The following MTHFD1L variants were observed in gnomAD, a reference collection of about 807,000 sequenced individuals.
MTHFD1L encodes monofunctional C1-tetrahydrofolate synthase, mitochondrial.
MTHFD1L carries 81 observed loss-of-function variants against 119.5 expected under a neutral mutation model. The ratio of observed to expected loss-of-function variants is 0.68; its 90% confidence interval spans 0.57 to 0.82. MTHFD1L has a LOEUF of 0.82. MTHFD1L is among the 40% of genes least tolerant of loss of function. The pLI, the probability that MTHFD1L is intolerant of heterozygous loss-of-function variation, is 0.00. For missense variants in MTHFD1L, 1,125 were observed against 1,253.4 expected, an observed-to-expected ratio of 0.90 and a Z score of 1.55; for synonymous variants, 430 against 475.2, an observed-to-expected ratio of 0.90 and a Z score of 1.24.
intron 19 of MTHFD1L, among the ~76,000 whole-genome samples, chr6:150,969,649 C>G (rs926979902): frequency 3.3e-5 from 5 of 152,092 alleles, no homozygotes; most frequent in Non-Finnish European, 5.9e-5. Context: ...GGTACATAGA[C>G]AAGTTTCTTG....
At position 150,949,014 on chromosome 6, in the gene MTHFD1L, T is replaced by A. The variant is rs2128969930; in HGVS notation, c.1624-17T>A. 2 of 1,599,866 alleles carry A rather than the reference T, an allele frequency of 1.3e-6. No homozygotes were observed. Among genetic ancestry groups the A allele is most frequent in the Non-Finnish European group, 1.7e-6 (2 of 1,167,826 alleles). On this transcript the variant is annotated splice_polypyrimidine_tract_variant and intron_variant, in intron 15 of 27. Transcript: ENST00000367321. ...TTTCTTCTCAAACTTCTCACCTTTT[T>A]TCTTCTTAATCATTAGAAACTGGGA... is the stretch of plus-strand genomic sequence containing the variant.
At chr6:150,900,216 C>T (rs1049861903) in intron 7 of MTHFD1L, among the ~76,000 whole-genome samples, 3 of 151,856 alleles carry the variant, frequency 2.0e-5, no homozygotes, top group African/African-American at 7.3e-5. Context: ...CCGGTAGTTC[C>T]TAATTGCCAA....
At chr6:151,019,704 G>A (rs896062894) in intron 24 of MTHFD1L, among the ~76,000 whole-genome samples, 1 of 152,130 alleles carries the variant, frequency 6.6e-6, no homozygotes, top group African/African-American at 2.4e-5. Context: ...CATGAAAAGA[G>A]CTGCTGCTGC....
intron 20 of MTHFD1L, among the ~76,000 whole-genome samples, chr6:150,994,079 A>G (rs76747399): frequency 7.4e-6 from 1 of 134,852 alleles, no homozygotes; most frequent in African/African-American, 3.2e-5. Flanking sequence ...AAAAAAAAAA[A>G]AGAAAGAAAG....
chr6:150,876,030 T>A (rs2128741125), intron 1 of MTHFD1L, 60 bp from the exon 2 acceptor site: 1 of 1,283,306 alleles, frequency 7.8e-7, no homozygotes. Context: ...AAATGTGTTG[T>A]GTCAGTCCTT....
Position 150,887,921 on chromosome 6 carries a change from C to G in MTHFD1L, c.720C>G (p.Phe240Leu). 6.2e-7 allele frequency: 1 copy of G among 1,610,562 alleles called. No homozygotes were observed. Reference sequence around the variant, plus strand: ...TGGAAGCTGCTCTACAATGCCTGTTCCAGAGAAAAGGGTCCATGACAATGA... The same window carrying G: ...TGGAAGCTGCTCTACAATGCCTGTTGCAGAGAAAAGGGTCCATGACAATGA... ...GSLEAALQCL[F>L]QRKGSMTMSI... The change falls in exon 7 of 28, where the codon TTC becomes TTG. Residue 240 changes from phenylalanine (F) to leucine (L), a missense_variant. Around this residue, in one of 3 missense-constraint regions of MTHFD1L, gnomAD observed 1,058 missense variants for 1,151.2 expected, o/e 0.92. Coordinates refer to ENST00000367321, the MANE Select transcript of MTHFD1L (RefSeq NM_015440.5).
chr6:150,994,064 T>TAAAAAAA (rs746589557), intron 20 of MTHFD1L, among the ~76,000 whole-genome samples: 10 of 74,254 alleles, frequency 1.3e-4, no homozygotes, highest in Admixed American at 3.3e-4. Context: ...ACAACAACAG[T>TAAAAAAA]AAAAAAAAAA....
At chr6:151,036,748 T>C (rs1402764855) in intron 25 of MTHFD1L, among the ~76,000 whole-genome samples, 2 of 152,132 alleles carry the variant, frequency 1.3e-5, no homozygotes, top group African/African-American at 4.8e-5. Context: ...AAATAAACAA[T>C]AGTCACCCTT....
At chr6:150,937,084 C>A in intron 12 of MTHFD1L, 144 bp downstream of exon 12, 1 of 1,045,844 alleles carries the variant, frequency 9.6e-7, no homozygotes, top group Non-Finnish European at 1.3e-6. Flanking sequence ...ACATAGTGGT[C>A]GCCCCATGTT....
chr6:150,867,958 C>T (rs1408735278), intron 1 of MTHFD1L, among the ~76,000 whole-genome samples: 1 of 151,512 alleles, frequency 6.6e-6, no homozygotes, highest in East Asian at 2.0e-4. Context: ...CCACCACGCC[C>T]GGCTAATTTT....
Position 151,016,768 on chromosome 6 carries a change from CTTTTTT to C in MTHFD1L, c.2586+1092_2586+1097del, listed in dbSNP as rs757274955. 8.3e-5 allele frequency: 18 copies of C among 217,614 alleles called. 1 individual carries two copies. Among genetic ancestry groups the C allele is most frequent in the Middle Eastern group, 2.0e-3 (1 of 492 alleles). 13.5% of individuals were successfully genotyped at this position (217,614 alleles called of 1,614,324 possible). A position where few individuals can be genotyped will look rare whatever the true frequency, so the allele number is the denominator to read the frequency against. On this transcript the variant is annotated intron_variant, in intron 24 of 27. Transcript: ENST00000367321. Reference sequence around the variant, plus strand: ...ATATAACAAAATTTACTATCTTAGCCTTTTTTTTTTTTTTTTTTTTTTGAGACAGAG... The same window carrying C: ...ATATAACAAAATTTACTATCTTAGCCTTTTTTTTTTTTTTTTGAGACAGAG...
intron 15 of MTHFD1L, among the ~76,000 whole-genome samples, chr6:150,947,156 G>A (rs1794105792): frequency 6.7e-6 from 1 of 149,298 alleles, no homozygotes; most frequent in Non-Finnish European, 1.5e-5. Flanking sequence ...GGAGTGCAAT[G>A]GCACGATCTC....
intron 26 of MTHFD1L, among the ~76,000 whole-genome samples, chr6:151,065,474 C>G (rs959598468): frequency 3.9e-5 from 6 of 152,188 alleles, no homozygotes; most frequent in Non-Finnish European, 7.3e-5. Flanking sequence ...ATGGATTGAC[C>G]CAGATAACAG....
chr6:151,067,016 CAG>C (rs1220247483), intron 26 of MTHFD1L, among the ~76,000 whole-genome samples: 14 of 135,772 alleles, frequency 1.0e-4, no homozygotes, highest in African/African-American at 3.9e-4. Flanking sequence ...TTTTTTGAGA[CAG>C]AGTCTTGCTC....
At chr6:151,091,169 G>A (rs558879452) in intron 26 of MTHFD1L, among the ~76,000 whole-genome samples, 3 of 147,394 alleles carry the variant, frequency 2.0e-5, no homozygotes, top group Non-Finnish European at 4.5e-5. Flanking sequence ...GTGCAGCATC[G>A]TTCCATGCGA....
intron 20 of MTHFD1L, among the ~76,000 whole-genome samples, chr6:150,991,534 C>T (rs1310802978): frequency 6.6e-6 from 1 of 152,126 alleles, no homozygotes; most frequent in Non-Finnish European, 1.5e-5. Context: ...CAAATTTTTA[C>T]AATTACTGTG....
At chr6:151,061,324 T>A (rs988950124) in intron 26 of MTHFD1L, among the ~76,000 whole-genome samples, 4 of 152,196 alleles carry the variant, frequency 2.6e-5, no homozygotes, top group African/African-American at 9.7e-5. Context: ...AGCATTGAAC[T>A]ATGACGACAC....
intron 20 of MTHFD1L, among the ~76,000 whole-genome samples, chr6:150,975,884 T>C (rs1033237769): frequency 1.3e-5 from 2 of 152,166 alleles, no homozygotes; most frequent in African/African-American, 4.8e-5. Flanking sequence ...ACCTCTGACC[T>C]CTGGCTGGGG....
intron 9 of MTHFD1L, among the ~76,000 whole-genome samples, chr6:150,921,532 A>G (rs1788941520): frequency 6.6e-6 from 1 of 152,142 alleles, no homozygotes; most frequent in South Asian, 2.1e-4. Flanking sequence ...GATTACAGGC[A>G]TGAGCCACCT....
Sources: allele counts gnomAD v4.1 joint callset (sites outside exome capture counted in the v4.1 genomes callset), GRCh38; gene constraint gnomAD v4.1.1; regional missense constraint gnomAD v4.1.1; transcripts MANE v1.5; gene names NCBI Gene and HGNC (gene_info 2026-07-23, HGNC 2026-07-21).